The following TOX variants were observed in gnomAD, a reference collection of about 807,000 sequenced individuals.
TOX encodes the protein thymocyte selection-associated high mobility group box protein TOX.
Under a neutral mutation model 53.7 loss-of-function variants are expected in TOX, and 11 were observed. That is an observed-to-expected ratio of 0.20 (90% CI 0.13 to 0.34). The LOEUF (loss-of-function observed/expected upper bound fraction) is 0.34. TOX is among the 10% of genes least tolerant of loss of function. The pLI is 1.00. For missense variants in TOX, 570 were observed against 664.6 expected, an observed-to-expected ratio of 0.86 and a Z score of 1.56; for synonymous variants, 225 against 245.3, an observed-to-expected ratio of 0.92 and a Z score of 0.77.
intron 1 of TOX, among the ~76,000 whole-genome samples, chr8:59,115,574 T>C (rs1434422960): frequency 6.6e-6 from 1 of 152,208 alleles, no homozygotes. Flanking sequence ...CTTAAAATAG[T>C]CTAATTAGAT....
chr8:59,086,809 C>T (rs1273741848), intron 1 of TOX, among the ~76,000 whole-genome samples: 1 of 152,188 alleles, frequency 6.6e-6, no homozygotes, highest in Non-Finnish European at 1.5e-5. Flanking sequence ...TTAAGGCACT[C>T]TCTGATGGCT....
Position 58,963,062 on chromosome 8 carries a change from T to G in TOX, c.103-3054A>C, listed in dbSNP as rs186311481. Among the ~76,000 whole-genome samples the G allele has an allele frequency of 3.7e-4, 56 of 152,302 alleles. 2 individuals are homozygous for G. The East Asian group carries it at 0.011, about 29-fold the overall frequency. ...AACAGTAAGGACTGACTAGAGTAAA[T>G]GAATTCCTCCTGACTCACTGTTGAG... On this transcript the variant is annotated intron_variant, in intron 1 of 8. Coordinates refer to ENST00000361421, the MANE Select transcript of TOX (RefSeq NM_014729.3).
chr8:58,907,556 T>C (rs1030781543), intron 3 of TOX, among the ~76,000 whole-genome samples: 3 of 151,944 alleles, frequency 2.0e-5, no homozygotes, highest in Non-Finnish European at 4.4e-5. Context: ...GATCACACCA[T>C]TGCACTCCAG....
intron 6 of TOX, among the ~76,000 whole-genome samples, chr8:58,826,045 T>C (rs961562000): frequency 1.3e-5 from 2 of 152,242 alleles, no homozygotes; most frequent in African/African-American, 4.8e-5. Flanking sequence ...CAGTATGTAT[T>C]TTCCTCAATA....
intron 2 of TOX, among the ~76,000 whole-genome samples, chr8:58,951,527 T>C (rs1166300682): frequency 1.4e-5 from 2 of 139,036 alleles, no homozygotes; most frequent in African/African-American, 2.6e-5. Context: ...CCAGGCTTCC[T>C]TGAAGGCAAT....
chr8:58,841,393 T>C (rs767809847), intron 4 of TOX, among the ~76,000 whole-genome samples: 1 of 152,200 alleles, frequency 6.6e-6, no homozygotes, highest in Non-Finnish European at 1.5e-5. Flanking sequence ...ACGTTTGTTA[T>C]AGTAGTAATA....
intron 3 of TOX, among the ~76,000 whole-genome samples, chr8:58,921,192 A>G (rs1812068666): frequency 6.6e-6 from 1 of 152,248 alleles, no homozygotes; most frequent in East Asian, 1.9e-4. Flanking sequence ...AACAAGTGCA[A>G]GCTATATTTC....
chr8:59,058,797 C>A (rs758593452), intron 1 of TOX, among the ~76,000 whole-genome samples: 7 of 152,144 alleles, frequency 4.6e-5, no homozygotes, highest in Non-Finnish European at 1.0e-4. Flanking sequence ...CCAGCAAGAG[C>A]CTCCTAGACC....
intron 1 of TOX, among the ~76,000 whole-genome samples, chr8:59,075,659 C>T (rs1051842750): frequency 3.9e-5 from 6 of 152,120 alleles, no homozygotes; most frequent in African/African-American, 1.4e-4. Flanking sequence ...TCCTCCCCTA[C>T]ATCTGTAAAT....
chr8:58,834,041 G>A (rs1401344785), intron 5 of TOX, among the ~76,000 whole-genome samples: 1 of 152,070 alleles, frequency 6.6e-6, no homozygotes, highest in Non-Finnish European at 1.5e-5. Context: ...TCTTACTCCC[G>A]CCTATACTCC....
intron 1 of TOX, among the ~76,000 whole-genome samples, chr8:59,020,031 A>C (rs1016617245): frequency 6.6e-6 from 1 of 152,236 alleles, no homozygotes; most frequent in African/African-American, 2.4e-5. Flanking sequence ...ATGAACAAAT[A>C]AATGAATGAA....
chr8:58,979,335 T>G (rs1434781484), intron 1 of TOX, among the ~76,000 whole-genome samples: 1 of 152,198 alleles, frequency 6.6e-6, no homozygotes, highest in Non-Finnish European at 1.5e-5. Flanking sequence ...AAAATTCCAT[T>G]TGTGTTTCAG....
chr8:59,091,057 A>T (rs1189190313), intron 1 of TOX, among the ~76,000 whole-genome samples: 1 of 152,006 alleles, frequency 6.6e-6, no homozygotes, highest in Admixed American at 6.6e-5. Flanking sequence ...AGCCTCTCCT[A>T]TCCAAAAATA....
chr8:58,887,110 T>A (rs925160488), intron 3 of TOX, among the ~76,000 whole-genome samples: 1 of 152,008 alleles, frequency 6.6e-6, no homozygotes, highest in East Asian at 1.9e-4. Flanking sequence ...TATCATGTAA[T>A]TTATGTGAAA....
chr8:58,998,601 T>TCATGTAATAAATTTA, intron 1 of TOX, among the ~76,000 whole-genome samples: 1 of 95,350 alleles, frequency 1.0e-5, no homozygotes, highest in Non-Finnish European at 2.1e-5. Context: ...TGTAATAAAT[T>TCATGTAATAAATTTA]TATGTAATAA....
intron 1 of TOX, among the ~76,000 whole-genome samples, chr8:58,982,415 C>G (rs1325498486): frequency 6.6e-6 from 1 of 152,170 alleles, no homozygotes; most frequent in East Asian, 1.9e-4. Context: ...CATTCTTATG[C>G]CCTGCTGGAC....
At chr8:58,903,910 T>C (rs1585891398) in intron 3 of TOX, among the ~76,000 whole-genome samples, 2 of 152,208 alleles carry the variant, frequency 1.3e-5, no homozygotes, top group African/African-American at 2.4e-5. Context: ...TTCTTTCCAC[T>C]GTGCTATTGT....
chr8:59,069,406 T>G (rs901971817), intron 1 of TOX, among the ~76,000 whole-genome samples: 6 of 152,302 alleles, frequency 3.9e-5, no homozygotes, highest in African/African-American at 1.4e-4. Flanking sequence ...GATCTTGATT[T>G]AAGATGCAGG....
chr8:58,892,719 G>T (rs1327994352), intron 3 of TOX, among the ~76,000 whole-genome samples: 1 of 152,116 alleles, frequency 6.6e-6, no homozygotes, highest in East Asian at 1.9e-4. Flanking sequence ...TGTATTGCTT[G>T]CACGAGGTGG....
Sources: allele counts gnomAD v4.1 joint callset (sites outside exome capture counted in the v4.1 genomes callset), GRCh38; gene constraint gnomAD v4.1.1; transcripts MANE v1.5; gene names NCBI Gene and HGNC (gene_info 2026-07-23, HGNC 2026-07-21).